Variants in ASS1 observed in about 807,000 individuals in gnomAD.
The protein encoded by ASS1 is argininosuccinate synthase 1.
ASS1 carries 58 observed loss-of-function variants against 60.5 expected under a neutral mutation model. That is an observed-to-expected ratio of 0.96 (90% CI 0.78 to 1.19). The LOEUF (loss-of-function observed/expected upper bound fraction) is 1.19. Ranked by LOEUF, ASS1 falls within the 50% of genes most tolerant of loss-of-function variation. The pLI is 0.00. For synonymous variants in ASS1, 200 were observed against 206.9 expected, an observed-to-expected ratio of 0.97 and a Z score of 0.29; for missense variants, 454 against 547.3, an observed-to-expected ratio of 0.83 and a Z score of 1.70.
At chr9:130,480,964 G>C (rs188499632) in intron 11 of ASS1, among the ~76,000 whole-genome samples, 11 of 150,754 alleles carry the variant, frequency 7.3e-5, no homozygotes, top group Non-Finnish European at 1.3e-4. Context: ...CAGGGATGGG[G>C]CTGTGCCACA....
chr9:130,480,317 C>T, intron 10 of ASS1, 68 bp from the exon 11 acceptor site: 1 of 1,576,788 alleles, frequency 6.3e-7, no homozygotes, highest in Non-Finnish European at 8.7e-7. Context: ...CCTGGGACAG[C>T]CCAGCTGGGT....
At chr9:130,475,769 G>C (rs1184795506) in intron 8 of ASS1, among the ~76,000 whole-genome samples, 3 of 149,608 alleles carry the variant, frequency 2.0e-5, no homozygotes, top group African/African-American at 7.4e-5. Context: ...TTTGGTGGGG[G>C]GGTGGGGGAC....
At chr9:130,462,208 G>A (rs1380674850) in intron 4 of ASS1, among the ~76,000 whole-genome samples, 1 of 152,204 alleles carries the variant, frequency 6.6e-6, no homozygotes, top group Non-Finnish European at 1.5e-5. Context: ...TAGCCGGGGA[G>A]CGAGAGTTTT....
intron 11 of ASS1, among the ~76,000 whole-genome samples, chr9:130,487,690 G>A (rs552998579): frequency 6.6e-5 from 10 of 152,114 alleles, no homozygotes; most frequent in Admixed American, 2.6e-4. Context: ...TTGTTTTTGT[G>A]CCTGGCCTTT....
chr9:130,450,112 GGGCAGGA>G (rs1008055758), intron 1 of ASS1, among the ~76,000 whole-genome samples: 2 of 152,118 alleles, frequency 1.3e-5, no homozygotes, highest in African/African-American at 2.4e-5. Flanking sequence ...CTGGAGCAGG[GGGCAGGA>G]GGCAGGAGGC....
intron 12 of ASS1, among the ~76,000 whole-genome samples, chr9:130,493,174 G>T (rs1302247801): frequency 6.6e-6 from 1 of 152,208 alleles, no homozygotes; most frequent in Non-Finnish European, 1.5e-5. Flanking sequence ...CCCTGGGCCA[G>T]AGTTAGGAGT....
At chr9:130,487,123 C>G (rs1015325121) in intron 11 of ASS1, among the ~76,000 whole-genome samples, 1 of 152,232 alleles carries the variant, frequency 6.6e-6, no homozygotes, top group African/African-American at 2.4e-5. Flanking sequence ...GCAGAGGGGC[C>G]TCTGTTCCTC....
chr9:130,475,279 C>T (rs1169589913), intron 8 of ASS1, among the ~76,000 whole-genome samples: 1 of 152,208 alleles, frequency 6.6e-6, no homozygotes, highest in Non-Finnish European at 1.5e-5. Flanking sequence ...CCCTTTCCAC[C>T]TGCAGAGCAT....
intron 11 of ASS1, among the ~76,000 whole-genome samples, chr9:130,484,799 GCACACACACA>G (rs3030699): frequency 6.1e-5 from 9 of 146,604 alleles, no homozygotes; most frequent in African/African-American, 1.0e-4. Context: ...AGCTTTAAAC[GCACACACACA>G]CACACACACA....
At chr9:130,450,369 C>A in intron 1 of ASS1, 1 of 981,864 alleles carries the variant, frequency 1.0e-6, no homozygotes, top group Non-Finnish European at 1.2e-6. Flanking sequence ...GCCTGCCTTC[C>A]TCCCTCCTTC....
intron 13 of ASS1, among the ~76,000 whole-genome samples, chr9:130,495,472 T>TATACAC (rs1554725198): frequency 4.3e-4 from 63 of 146,896 alleles, no homozygotes; most frequent in African/African-American, 1.5e-3. Context: ...CACATACATA[T>TATACAC]ACACACACAC....
intron 12 of ASS1, among the ~76,000 whole-genome samples, chr9:130,493,741 C>G (rs930518217): frequency 7.1e-4 from 108 of 151,932 alleles, no homozygotes; most frequent in Non-Finnish European, 4.1e-4. Context: ...GTCCCTCCCC[C>G]CGCCATGGCC....
At position 130,476,074 on chromosome 9, in the gene ASS1, A is replaced by G. The variant is rs142725177; in HGVS notation, c.598-797A>G. ...GTGCCCAGCCGTCTGCAAGGTTTTTAAAGCAAAGATGAGACAGCAGTTCCT... is the reference window on the plus strand; with the variant it reads ...GTGCCCAGCCGTCTGCAAGGTTTTTGAAGCAAAGATGAGACAGCAGTTCCT... On this transcript the variant is annotated intron_variant, in intron 8 of 14. Transcript: ENST00000352480. This position sits in a 1 kb window ranked among gnomAD's most constrained non-coding sequence, Gnocchi z 4.9. 1.3e-5 allele frequency among the ~76,000 whole-genome samples: 2 copies of G among 152,220 alleles called. No individual in the cohort carries two copies. The highest frequency in any genetic ancestry group is 2.9e-5 in the Non-Finnish European group (2 of 68,016).
chr9:130,484,515 CCT>C (rs1298688416), intron 11 of ASS1, among the ~76,000 whole-genome samples: 1 of 152,030 alleles, frequency 6.6e-6, no homozygotes, highest in African/African-American at 2.4e-5. Flanking sequence ...ACTGCTGACA[CCT>C]CTGTCTTTTT....
chr9:130,497,727 A>G (rs1300194099), intron 13 of ASS1, among the ~76,000 whole-genome samples: 1 of 152,074 alleles, frequency 6.6e-6, no homozygotes, highest in African/African-American at 2.4e-5. Flanking sequence ...CTTGTGAGAG[A>G]TGGAGGTGAA....
At chr9:130,450,088 T>G (rs996784512) in intron 1 of ASS1, among the ~76,000 whole-genome samples, 7 of 152,044 alleles carry the variant, frequency 4.6e-5, no homozygotes, top group Admixed American at 3.9e-4. Flanking sequence ...TTCCACATAT[T>G]TCCTGAATGC....
Position 130,458,601 on chromosome 9 carries a change from G to A in ASS1, c.363+12G>A, listed in dbSNP as rs768506281. The A allele has an allele frequency of 1.2e-6, 2 of 1,610,600 alleles. No individual in the cohort carries two copies. Among genetic ancestry groups the A allele is most frequent in the Non-Finnish European group, 1.7e-6 (2 of 1,179,042 alleles). ...GCGCCACAGGAAAGGTGAGGCACCT[G>A]GGAAGGGCCGGGCAGAGGGAGATGG... On this transcript the variant is annotated intron_variant, in intron 4 of 14. Coordinates refer to ENST00000352480, the MANE Select transcript of ASS1 (RefSeq NM_054012.4).
At chr9:130,495,156 T>C (rs1355139523) in intron 13 of ASS1, 133 bp downstream of exon 13, 11 of 1,249,058 alleles carry the variant, frequency 8.8e-6, no homozygotes, top group South Asian at 6.5e-5. Context: ...ACAGAGGATA[T>C]AGACACCACT....
At chr9:130,450,943 G>C (rs912632726) in intron 1 of ASS1, among the ~76,000 whole-genome samples, 1 of 152,198 alleles carries the variant, frequency 6.6e-6, no homozygotes, top group South Asian at 2.1e-4. Flanking sequence ...TGGGAAATGC[G>C]GGATGCTGGG....
Sources: gnomAD v4.1 joint callset for allele counts (sites outside exome capture counted in the v4.1 genomes callset) on GRCh38, gnomAD v4.1.1 for gene constraint, Gnocchi (gnomAD v3.1) non-coding constraint, MANE v1.5 for transcripts, NCBI Gene and HGNC (gene_info 2026-07-23, HGNC 2026-07-21) for gene names.